SPC25: variants seen among roughly 807,000 people sequenced by gnomAD.
SPC25 encodes the protein SPC25 component of NDC80 kinetochore complex.
Under a neutral mutation model 29.6 loss-of-function variants are expected in SPC25, and 22 were observed. The observed-to-expected ratio is 0.74, with a 90% CI of 0.53 to 1.06. The LOEUF is 1.06. SPC25 is among the 50% of genes least tolerant of loss of function. SPC25 has a pLI of 0.00. For missense variants in SPC25, 230 were observed against 255.8 expected, an observed-to-expected ratio of 0.90 and a Z score of 0.69; for synonymous variants, 91 against 90.4, an observed-to-expected ratio of 1.01 and a Z score of -0.04.
intron 6 of SPC25, among the ~76,000 whole-genome samples, chr2:168,872,760 A>G (rs1385523419): frequency 1.3e-5 from 2 of 152,198 alleles, no homozygotes; most frequent in African/African-American, 4.8e-5. Flanking sequence ...AGATTGGAAG[A>G]TATTTATCTA....
At chr2:168,879,142 C>T (rs989527463) in intron 3 of SPC25, among the ~76,000 whole-genome samples, 3 of 152,164 alleles carry the variant, frequency 2.0e-5, no homozygotes, top group Non-Finnish European at 4.4e-5. Flanking sequence ...AGAGTGGTAG[C>T]TGCTGAAGGT....
chr2:168,873,464 C>A (rs1690030838), intron 6 of SPC25, 121 bp downstream of exon 6: 1 of 646,874 alleles, frequency 1.5e-6, no homozygotes, highest in African/African-American at 1.8e-5. Context: ...AGAAGCAAGA[C>A]TGAAAAAGGA....
chr2:168,876,104 T>A lies in SPC25; in HGVS notation c.419A>T (p.Asp140Val), dbSNP rs1322926400. Residue 140 changes from aspartate to valine, a missense_variant, in exon 5 of 7, where the codon GAT (aspartate) becomes GTT (valine). Physicochemically the swap from Asp to Val is radical, Grantham distance 152 (BLOSUM62 -3). Transcript: ENST00000282074. ...TTTTCGAATTTCTAGTCCAAGTCGATCTTTATACAAGTCTGCAGATTTCTG... is the reference window on the plus strand; with the variant it reads ...TTTTCGAATTTCTAGTCCAAGTCGAACTTTATACAAGTCTGCAGATTTCTG... ...RLQKSADLYK[D>V]RLGLEIRKIY... The A allele has an allele frequency of 1.3e-6, 2 of 1,561,320 alleles. No homozygotes were observed. The highest frequency in any genetic ancestry group is 8.6e-7 in the Non-Finnish European group (1 of 1,161,090).
At chr2:168,889,182 G>A (rs1453396152) in intron 3 of SPC25, 44 bp downstream of exon 3, 8 of 1,545,204 alleles carry the variant, frequency 5.2e-6, no homozygotes, top group Non-Finnish European at 7.1e-6. Flanking sequence ...TGATAAAGAT[G>A]TTTTATCTAA....
chr2:168,886,092 C>T (rs571768308), intron 3 of SPC25, among the ~76,000 whole-genome samples: 5 of 134,534 alleles, frequency 3.7e-5, no homozygotes, highest in African/African-American at 8.6e-5. Context: ...CTCACTCTGT[C>T]GCCCAGGCTG....
intron 4 of SPC25, among the ~76,000 whole-genome samples, chr2:168,864,329 C>G (rs571189186): frequency 3.5e-4 from 52 of 150,092 alleles, no homozygotes; most frequent in Non-Finnish European, 5.6e-4. Flanking sequence ...TGCTGTTGCC[C>G]AGGCTAGAGT....
At chr2:168,863,681 A>AAAC in intron 4 of SPC25, 1 of 980,352 alleles carries the variant, frequency 1.0e-6, no homozygotes, top group Non-Finnish European at 1.2e-6. Context: ...TGAGTGAGTT[A>AAAC]AACTTTTGGC....
intron 3 of SPC25, among the ~76,000 whole-genome samples, 164 bp downstream of exon 3, chr2:168,889,058 CATAT>C (rs571952905): frequency 0.013 from 1,487 of 116,752 alleles, 50 homozygotes; most frequent in Non-Finnish European, 0.021. Flanking sequence ...CATATATATA[CATAT>C]ATATATACAC....
At chr2:168,875,942 A>AT (rs1690077021) in intron 5 of SPC25, 130 bp downstream of exon 5, 1 of 469,018 alleles carries the variant, frequency 2.1e-6, no homozygotes, top group Non-Finnish European at 3.7e-6. Context: ...AAAAATTGTA[A>AT]TTTTTTCCTA....
At chr2:168,869,423 G>C (rs956412637), downstream of SPC25, among the ~76,000 whole-genome samples, 3 of 152,182 alleles carry the variant, frequency 2.0e-5, no homozygotes, top group African/African-American at 7.2e-5. Context: ...AATTGTCCCT[G>C]TTTGCAGATG....
intron 3 of SPC25, among the ~76,000 whole-genome samples, chr2:168,884,141 C>T (rs1212438792): frequency 2.6e-5 from 4 of 152,170 alleles, no homozygotes; most frequent in Non-Finnish European, 5.9e-5. Flanking sequence ...CAAACTTTCA[C>T]TCCTACACAC....
chr2:168,863,631 T>C, intron 4 of SPC25: 2 of 983,194 alleles, frequency 2.0e-6, no homozygotes, highest in South Asian at 4.7e-5. Flanking sequence ...GAATGGGGAG[T>C]TACATTTTGA....
At chr2:168,873,779 TAC>T (rs1360319491) in intron 5 of SPC25, 96 bp from the exon 6 acceptor site, 1 of 692,822 alleles carries the variant, frequency 1.4e-6, no homozygotes, top group South Asian at 2.0e-5. Flanking sequence ...GCTAAGTATA[TAC>T]AGTCATGTAA....
chr2:168,863,465 C>CGGGGGCAGATGATCCTGAA (rs1172614477), intron 4 of SPC25: 3 of 985,100 alleles, frequency 3.0e-6, no homozygotes, highest in Non-Finnish European at 3.6e-6. Flanking sequence ...TGGATCCTGA[C>CGGGGGCAGATGATCCTGAA]GGGGGCAGAT....
intron 3 of SPC25, among the ~76,000 whole-genome samples, chr2:168,881,863 A>G (rs1690181586): frequency 6.6e-6 from 1 of 152,252 alleles, no homozygotes; most frequent in Non-Finnish European, 1.5e-5. Context: ...TCAAAAGAGA[A>G]ATACACTATG....
chr2:168,883,969 C>G (rs973511708), intron 3 of SPC25, among the ~76,000 whole-genome samples: 1 of 152,040 alleles, frequency 6.6e-6, no homozygotes, highest in Non-Finnish European at 1.5e-5. Context: ...TGGGGTTTCA[C>G]CATGTTGGCC....
chr2:168,882,208 C>T (rs555889533), intron 3 of SPC25, among the ~76,000 whole-genome samples: 10 of 152,290 alleles, frequency 6.6e-5, no homozygotes, highest in Non-Finnish European at 1.0e-4. Flanking sequence ...TAAACAGTGC[C>T]GAAATCCAAA....
rs772975385 is a variant in SPC25, at chr2:168,877,404, T to C, written c.200-20A>G. On this transcript the variant is annotated intron_variant, in intron 3 of 6. Transcript: ENST00000282074. ...TGATCTCTGTAAGAAGCACAAGGTA[T>C]TAGCTAGAATATGCTTGGCTCTCTG... is the stretch of plus-strand genomic sequence containing the variant. 2.4e-5 allele frequency: 39 copies of C among 1,612,932 alleles called. No individual in the cohort carries two copies. The South Asian group carries it at 4.0e-4, about 16-fold the overall frequency.
chr2:168,863,610 T>A (rs1014882480), intron 4 of SPC25: 150 of 985,182 alleles, frequency 1.5e-4, no homozygotes, highest in Non-Finnish European at 1.7e-4. Flanking sequence ...ATTAAAGTTG[T>A]CTAAGTTGTT....
Sources: gnomAD v4.1 joint callset for allele counts (sites outside exome capture counted in the v4.1 genomes callset) on GRCh38, gnomAD v4.1.1 for gene constraint, MANE v1.5 for transcripts, NCBI Gene and HGNC (gene_info 2026-07-23, HGNC 2026-07-21) for gene names.